The following INIP variants were observed in gnomAD, a reference collection of about 807,000 sequenced individuals.
INIP encodes INTS3 and NABP interacting protein.
A neutral mutation model predicts 14.0 loss-of-function variants in INIP; 9 were observed. The ratio of observed to expected loss-of-function variants is 0.64; its 90% CI spans 0.39 to 1.12. INIP has a LOEUF of 1.12. Among genes scored for constraint, INIP ranks in the 50% most tolerant of loss-of-function variants. The probability of loss-of-function intolerance (pLI) is 0.01; values close to 1 mark genes in which losing one functional copy is unlikely to be tolerated. For synonymous variants in INIP, 37 were observed against 41.5 expected (o/e 0.89, Z 0.41); for missense variants, 78 against 122.7 (o/e 0.64, Z 1.72).
chr9:112,713,082 C>T (rs1272266400), intron 2 of INIP, among the ~76,000 whole-genome samples: 1 of 151,966 alleles, frequency 6.6e-6, no homozygotes, highest in Admixed American at 6.6e-5. Flanking sequence ...GTATCCAGAC[C>T]GAAGAATGAA....
intron 2 of INIP, among the ~76,000 whole-genome samples, chr9:112,708,005 G>A (rs891743755): frequency 6.6e-6 from 1 of 152,180 alleles, no homozygotes; most frequent in African/African-American, 2.4e-5. Context: ...AGGTTCTAAG[G>A]ATGCAATGAT....
rs1311516325 is a variant in INIP at position 112,687,546 on chromosome 9, G to C, written c.307C>G (p.Pro103Ala). The change falls in exon 5 of 5, where the codon CCA (proline) becomes GCA (alanine). Residue 103 changes from proline (P) to alanine (A), a missense_variant. By Grantham distance (27) the Pro-to-Ala change is conservative. Transcript: ENST00000374242. Reference sequence around the variant, plus strand: ...CATCGCAAATGTTTTCTTCATTCTGGGTCAAGGCGAGGTAAAACAGGAAGA... The same window carrying C: ...CATCGCAAATGTTTTCTTCATTCTGCGTCAAGGCGAGGTAAAACAGGAAGA... ...LILPVLPRLD[P>A]E is the part of the protein sequence containing the mutation. 6.3e-7 allele frequency: 1 copy of C among 1,599,058 alleles called. No homozygotes were observed. Among genetic ancestry groups the C allele is most frequent in the Non-Finnish European group, 8.6e-7 (1 of 1,167,446 alleles).
intron 2 of INIP, among the ~76,000 whole-genome samples, chr9:112,695,141 C>T (rs1838031998): frequency 6.6e-6 from 1 of 151,622 alleles, no homozygotes; most frequent in East Asian, 1.9e-4. Flanking sequence ...GGGCACTCTC[C>T]AGCTCATTAC....
chr9:112,709,478 C>G lies in INIP; in HGVS notation c.25+6983G>C, dbSNP rs1037551715. On this transcript the variant is annotated intron_variant, in intron 2 of 4. Coordinates refer to ENST00000374242, the MANE Select transcript of INIP (RefSeq NM_021218.3). ...CTGAATATTAGGAAAACTACCTCAC[C>G]ATGCCTCAGGACCAAAGGGGATAAC... Among the ~76,000 whole-genome samples, 13 of 152,124 alleles carry G rather than the reference C, an allele frequency of 8.5e-5. No individual in the cohort carries two copies. In the South Asian group the frequency reaches 1.9e-3, roughly 22 times the overall value.
chr9:112,708,290 G>A (rs148585952), intron 2 of INIP, among the ~76,000 whole-genome samples: 170 of 152,190 alleles, frequency 1.1e-3, no homozygotes, highest in African/African-American at 3.8e-3. Context: ...TAAAAGTAGG[G>A]GTGAGGAACA....
Position 112,690,813 on chromosome 9 carries a change from C to T in INIP, c.129-1196G>A, listed in dbSNP as rs114937676. On this transcript the variant is annotated intron_variant, in intron 3 of 4. Coordinates refer to ENST00000374242, the MANE Select transcript of INIP (RefSeq NM_021218.3). ...TTACAAATGGGACACACCATAGGAA[C>T]CTTTCAGGCTTTTTCCTCTACAGGT... Among the ~76,000 whole-genome samples the T allele has an allele frequency of 3.5e-3, 539 of 152,320 alleles. 4 individuals are homozygous for T. Among genetic ancestry groups the T allele is most frequent in the African/African-American group, 0.013 (529 of 41,556 alleles).
At chr9:112,701,301 C>CT (rs1404241170) in intron 2 of INIP, among the ~76,000 whole-genome samples, 5 of 152,096 alleles carry the variant, frequency 3.3e-5, no homozygotes, top group Non-Finnish European at 7.4e-5. Context: ...AGGCAAAACT[C>CT]TGTCTCAAAA....
rs1837658578 is a variant in INIP at position 112,686,189 on chromosome 9, A to C, written c.*1349T>G. 1 of 152,212 alleles carries C rather than the reference A, an allele frequency of 6.6e-6. No individual in the cohort carries two copies. 9.4% of individuals were successfully genotyped at this position (152,212 alleles called of 1,614,324 possible). ...GTGATACAGTGTAAAATATCATTTC[A>C]ATCCTATTAAAAGTTAAAAAAAATG... On this transcript the variant is annotated 3_prime_UTR_variant, in exon 5 of 5. Coordinates refer to ENST00000374242, the MANE Select transcript of INIP (RefSeq NM_021218.3).
chr9:112,691,029 T>C (rs1037965144), intron 3 of INIP, among the ~76,000 whole-genome samples: 1 of 152,254 alleles, frequency 6.6e-6, no homozygotes, highest in African/African-American at 2.4e-5. Flanking sequence ...CAAATGTTTA[T>C]GCCAATTTTG....
intron 1 of INIP, among the ~76,000 whole-genome samples, chr9:112,717,478 G>A (rs1028898024): frequency 6.6e-6 from 1 of 151,568 alleles, no homozygotes; most frequent in East Asian, 1.9e-4. Flanking sequence ...CCCTAATCCT[G>A]CTTTCAGAAG....
In INIP at chr9:112,701,862, C is replaced by T. The variant is rs1838309513; in HGVS notation, c.26-7629G>A. Reference sequence around the variant, plus strand: ...GCCAGGAGTTCAAGATCAGCCTGGGCAACACAGCGAGACCTTGTCTGTACA... The same window carrying T: ...GCCAGGAGTTCAAGATCAGCCTGGGTAACACAGCGAGACCTTGTCTGTACA... On this transcript the variant is annotated intron_variant, in intron 2 of 4. Transcript: ENST00000374242. 4.2e-5 allele frequency: 6 copies of T among 143,928 alleles called. No individual in the cohort carries two copies. The South Asian group carries it at 1.2e-3, about 30-fold the overall frequency. The allele number at this position is 143,928 out of a possible 1,614,324, so 8.9% of individuals were successfully genotyped here.
Position 112,687,293 on chromosome 9 carries a change from A to C in INIP, c.*245T>G. ...CCAGTTCACAGTCTGATTGAGAGTT[A>C]AACAGCATTACAAAAAAGTTACAGT... On this transcript the variant is annotated 3_prime_UTR_variant, in exon 5 of 5. Coordinates refer to ENST00000374242, the MANE Select transcript of INIP (RefSeq NM_021218.3). 2.8e-6 allele frequency: 1 copy of C among 358,466 alleles called. No homozygotes were observed. Among genetic ancestry groups the C allele is most frequent in the Non-Finnish European group, 5.2e-6 (1 of 193,386 alleles). 22.2% of individuals were successfully genotyped at this position (358,466 alleles called of 1,614,324 possible).
chr9:112,687,861 G>A (rs183956747), intron 4 of INIP, among the ~76,000 whole-genome samples: 12 of 152,212 alleles, frequency 7.9e-5, no homozygotes, highest in Admixed American at 4.6e-4. Context: ...TGAGGTGGGC[G>A]AATCACGAGG....
At chr9:112,712,048 A>T (rs1838664931) in intron 2 of INIP, among the ~76,000 whole-genome samples, 1 of 152,228 alleles carries the variant, frequency 6.6e-6, no homozygotes. Flanking sequence ...AGCATTCCCC[A>T]ATCCACTAAC....
At position 112,689,518 on chromosome 9, in the gene INIP, A is replaced by C. The variant is rs764536806; in HGVS notation, c.219+9T>G. 6.2e-7 allele frequency: 1 copy of C among 1,612,608 alleles called. No homozygotes were observed. Among genetic ancestry groups the C allele is most frequent in the South Asian group, 1.1e-5 (1 of 91,016 alleles). ...CCACCGAGGCAAGAATGTCAGTTAC[A>C]CTGCTCACCTGCAAAGCTGCCTTCT... On this transcript the variant is annotated intron_variant, in intron 4 of 4. Transcript: ENST00000374242.
intron 3 of INIP, among the ~76,000 whole-genome samples, chr9:112,690,654 T>C (rs941861166): frequency 2.6e-5 from 4 of 152,054 alleles, no homozygotes; most frequent in African/African-American, 9.7e-5. Flanking sequence ...CCCCAGGGGG[T>C]AGACCTTGAT....
At chr9:112,715,133 TACACACACACACACACAC>T (rs58647648) in intron 2 of INIP, among the ~76,000 whole-genome samples, 394 of 133,518 alleles carry the variant, frequency 3.0e-3, no homozygotes, top group Non-Finnish European at 4.1e-3. Flanking sequence ...CATACATACA[TACACACACACACACACAC>T]ACACACACAC....
intron 2 of INIP, among the ~76,000 whole-genome samples, chr9:112,712,322 A>T (rs565365994): frequency 6.6e-6 from 1 of 152,338 alleles, no homozygotes; most frequent in African/African-American, 2.4e-5. Flanking sequence ...AGGAGAGACA[A>T]GAGTTTGGAG....
chr9:112,687,666 G>T, intron 4 of INIP, 33 bp from the exon 5 acceptor site: 1 of 1,287,220 alleles, frequency 7.8e-7, no homozygotes, highest in South Asian at 1.4e-5. Flanking sequence ...AGGCAATTAA[G>T]CTATTAAATA....
Sources: allele counts gnomAD v4.1 joint callset (sites outside exome capture counted in the v4.1 genomes callset), GRCh38; gene constraint gnomAD v4.1.1; transcripts MANE v1.5; gene names NCBI Gene and HGNC (gene_info 2026-07-23, HGNC 2026-07-21).